The following NBEA variants were observed in gnomAD, a reference collection of about 807,000 sequenced individuals.
The protein encoded by NBEA is lysosomal-trafficking regulator 2.
A neutral mutation model predicts 343.4 loss-of-function variants in NBEA; 44 were observed. That is an observed-to-expected ratio of 0.13 (90% confidence interval 0.10 to 0.16). The LOEUF (loss-of-function observed/expected upper bound fraction) is 0.16, where lower values mean the gene tolerates loss of function less well. Among genes scored for constraint, NBEA ranks in the 10% least tolerant of loss-of-function variants. The pLI is 1.00. For synonymous variants in NBEA, 1,175 were observed against 1,238.7 expected (o/e 0.95, Z 1.08); for missense variants, 2,555 against 3,631.3 (o/e 0.70, Z 7.62).
chr13:35,004,110 G>A (rs1461433797), intron 1 of NBEA, among the ~76,000 whole-genome samples: 1 of 152,042 alleles, frequency 6.6e-6, no homozygotes, highest in Non-Finnish European at 1.5e-5. Flanking sequence ...ACATGATCTT[G>A]TTTCTTTTTA....
rs372621960 is a variant in NBEA at position 35,243,921 on chromosome 13, TC to T, written c.5776+11303del. On this transcript the variant is annotated intron_variant, in intron 34 of 58. Coordinates refer to ENST00000379939, the MANE Select transcript of NBEA (RefSeq NM_001385012.1). Reference sequence around the variant, plus strand: ...TGGACTTAACAGACCAAAGAATACTTCACCCAATAACATCAGAATATACATT... The same window carrying T: ...TGGACTTAACAGACCAAAGAATACTTACCCAATAACATCAGAATATACATT... Among the ~76,000 whole-genome samples the T allele has an allele frequency of 1.7e-3, 255 of 151,974 alleles. 1 individual carries two copies. Among genetic ancestry groups the T allele is most frequent in the African/African-American group, 5.9e-3 (245 of 41,502 alleles).
At chr13:35,079,771 T>G (rs1254407929) in intron 10 of NBEA, among the ~76,000 whole-genome samples, 1 of 152,172 alleles carries the variant, frequency 6.6e-6, no homozygotes, top group Non-Finnish European at 1.5e-5. Flanking sequence ...GTTTGTTACA[T>G]TTTATCTAGA....
chr13:34,993,290 C>A (rs1347138689), intron 1 of NBEA, among the ~76,000 whole-genome samples: 3 of 152,140 alleles, frequency 2.0e-5, no homozygotes, highest in African/African-American at 7.2e-5. Flanking sequence ...AGATTATATG[C>A]ACCAATAGCA....
chr13:34,998,913 T>G (rs1460360850), intron 1 of NBEA, among the ~76,000 whole-genome samples: 2 of 152,154 alleles, frequency 1.3e-5, no homozygotes, highest in East Asian at 3.9e-4. Flanking sequence ...TAAGTGTCCA[T>G]GAAATCTTCA....
In NBEA at chr13:35,159,528, A is replaced by G. The variant is rs774898249; in HGVS notation, c.3357A>G (p.Lys1119=). The G allele has an allele frequency of 6.2e-7, 1 of 1,613,066 alleles. No homozygotes were observed. The highest frequency in any genetic ancestry group is 2.2e-5 in the East Asian group (1 of 44,810). Residue 1119 remains lysine, a synonymous_variant, in exon 22 of 59, where the codon AAA becomes AAG. Transcript: ENST00000379939. ...TACATGGAAGTGTTGGTATCATTAA[A>G]AAAAATGAAGAAAAGGATAATGGTC... The part of the protein sequence containing the change: ...NNVHGSVGII[K]KNEEKDNGPL...
chr13:34,947,203 G>A (rs2059211499), intron 1 of NBEA, among the ~76,000 whole-genome samples: 1 of 151,966 alleles, frequency 6.6e-6, no homozygotes, highest in African/African-American at 2.4e-5. Context: ...ATATCTTAAG[G>A]AGTTTTGAGA....
intron 22 of NBEA, among the ~76,000 whole-genome samples, chr13:35,161,089 A>G (rs2069523154): frequency 6.6e-6 from 1 of 152,168 alleles, no homozygotes; most frequent in African/African-American, 2.4e-5. Flanking sequence ...TTTTTGTGGC[A>G]GTTGCATTGT....
chr13:35,211,168 T>C lies in NBEA; in HGVS notation c.5637T>C (p.Ala1879=). The C allele has an allele frequency of 6.4e-7, 1 of 1,554,492 alleles. No homozygotes were observed. The highest frequency in any genetic ancestry group is 1.2e-5 in the South Asian group (1 of 84,186). Residue 1879 remains alanine (A), a synonymous_variant, in exon 33 of 59, where the codon GCT becomes GCC. Transcript: ENST00000379939. Reference sequence around the variant, plus strand: ...TTGCTCCAATGCCAGAAGATTCAGCTGAAAATATGAGGTATGCATGACTAC... The same window carrying C: ...TTGCTCCAATGCCAGAAGATTCAGCCGAAAATATGAGGTATGCATGACTAC... The part of the protein sequence containing the change: ...QTVAPMPEDS[A]ENMSITAKLE...
At chr13:35,522,456 C>G (rs1439139469) in intron 41 of NBEA, among the ~76,000 whole-genome samples, 3 of 77,038 alleles carry the variant, frequency 3.9e-5, no homozygotes, top group Non-Finnish European at 2.4e-5. Flanking sequence ...GCCTGGGCAA[C>G]AAAGCAAGAT....
chr13:35,386,229 A>C (rs1342720539), intron 38 of NBEA, among the ~76,000 whole-genome samples: 1 of 152,170 alleles, frequency 6.6e-6, no homozygotes, highest in Admixed American at 6.5e-5. Flanking sequence ...TGTGGCAACA[A>C]ATACTTACAC....
chr13:35,660,500 C>T (rs542725770), intron 55 of NBEA, among the ~76,000 whole-genome samples: 2 of 152,210 alleles, frequency 1.3e-5, no homozygotes, highest in East Asian at 1.9e-4. Context: ...AGCTCGTGTA[C>T]GGGCATTATG....
At chr13:35,294,878 C>T (rs74048986) in intron 35 of NBEA, among the ~76,000 whole-genome samples, 8 of 151,532 alleles carry the variant, frequency 5.3e-5, no homozygotes, top group South Asian at 2.1e-4. Flanking sequence ...GCATAAGCAG[C>T]GGAGAATTGG....
intron 38 of NBEA, among the ~76,000 whole-genome samples, chr13:35,428,315 C>T (rs901208311): frequency 6.6e-6 from 1 of 152,212 alleles, no homozygotes; most frequent in African/African-American, 2.4e-5. Flanking sequence ...ATTGTTTCAG[C>T]TCTGCCGACT....
intron 51 of NBEA, among the ~76,000 whole-genome samples, chr13:35,648,078 G>T (rs1313282567): frequency 6.7e-6 from 1 of 150,336 alleles, no homozygotes; most frequent in African/African-American, 2.5e-5. Context: ...GGGTTTTGCT[G>T]TGTTTCCCAG....
intron 41 of NBEA, among the ~76,000 whole-genome samples, chr13:35,504,118 C>T (rs2152982484): frequency 6.6e-6 from 1 of 152,244 alleles, no homozygotes; most frequent in Admixed American, 6.5e-5. Flanking sequence ...ACATTCTTCA[C>T]ATCCATTCAT....
At chr13:35,440,181 G>A (rs1047768957) in intron 39 of NBEA, among the ~76,000 whole-genome samples, 4 of 152,200 alleles carry the variant, frequency 2.6e-5, no homozygotes, top group South Asian at 2.1e-4. Context: ...TGCCCAGCCC[G>A]ATAACTGATT....
At chr13:35,244,652 A>G (rs1212028048) in intron 34 of NBEA, among the ~76,000 whole-genome samples, 2 of 152,088 alleles carry the variant, frequency 1.3e-5, no homozygotes, top group Non-Finnish European at 2.9e-5. Flanking sequence ...TCCGTGAAGA[A>G]TGATGATTGT....
chr13:35,532,618 T>C (rs2078319818), intron 41 of NBEA, among the ~76,000 whole-genome samples: 3 of 152,152 alleles, frequency 2.0e-5, no homozygotes, highest in Admixed American at 1.3e-4. Context: ...TGATCTATAT[T>C]GGCACCTTAA....
At chr13:35,377,674 T>C (rs940886289) in intron 38 of NBEA, among the ~76,000 whole-genome samples, 1 of 152,196 alleles carries the variant, frequency 6.6e-6, no homozygotes, top group African/African-American at 2.4e-5. Flanking sequence ...CAGTTCCCTC[T>C]AATTTTAAAT....
Sources: gnomAD v4.1 joint callset for allele counts (sites outside exome capture counted in the v4.1 genomes callset) on GRCh38, gnomAD v4.1.1 for gene constraint, MANE v1.5 for transcripts, NCBI Gene and HGNC (gene_info 2026-07-23, HGNC 2026-07-21) for gene names.